Variants in TPD52 observed in about 807,000 individuals in gnomAD.
The protein encoded by TPD52 is tumor protein D52, also known as prostate and colon associated protein.
TPD52 carries 17 observed loss-of-function variants against 31.3 expected under a neutral mutation model. The observed-to-expected ratio is 0.54, with a 90% confidence interval of 0.37 to 0.82. TPD52 has a LOEUF of 0.82. Among genes scored for constraint, TPD52 ranks in the 40% least tolerant of loss-of-function variants. The probability of loss-of-function intolerance (pLI) is 0.00; values close to 1 mark genes in which losing one functional copy is unlikely to be tolerated. For missense variants in TPD52, 212 were observed against 240.1 expected, an observed-to-expected ratio of 0.88 and a Z score of 0.77; for synonymous variants, 83 against 89.6, an observed-to-expected ratio of 0.93 and a Z score of 0.42.
Position 80,126,577 on chromosome 8 carries a change from G to A in TPD52, c.19+44848C>T, listed in dbSNP as rs1808625270. On this transcript the variant is annotated intron_variant, in intron 1 of 7. Coordinates refer to ENST00000518937, the MANE Select transcript of TPD52 (RefSeq NM_001025253.3). ...GCTCACTGCAACCTCCACCTCCTGG[G>A]TTCAAGTAATTCTCCCACGTCAGGC... Among the ~76,000 whole-genome samples the A allele has an allele frequency of 2.0e-5, 3 of 151,338 alleles. 1 individual carries two copies. In the South Asian group the frequency reaches 6.3e-4, roughly 32 times the overall value.
At chr8:80,066,971 A>G (rs548692595) in intron 1 of TPD52, 1 of 152,360 alleles carries the variant, frequency 6.6e-6, no homozygotes, top group South Asian at 2.1e-4. Context: ...CTCCAAAACA[A>G]AACAAGCAAA....
intron 5 of TPD52, among the ~76,000 whole-genome samples, chr8:80,046,378 C>G (rs546366042): frequency 6.6e-6 from 1 of 151,716 alleles, no homozygotes; most frequent in Non-Finnish European, 1.5e-5. Context: ...TCAATTCTAT[C>G]TGGTTGCTGG....
intron 7 of TPD52, 35 bp downstream of exon 7, chr8:80,042,585 T>A (rs763496316): frequency 3.8e-6 from 6 of 1,582,234 alleles, no homozygotes; most frequent in Non-Finnish European, 4.3e-6. Context: ...CACCAGGCAA[T>A]GTATCAAAAA....
At chr8:80,111,992 A>AT (rs1260664582) in intron 1 of TPD52, among the ~76,000 whole-genome samples, 1 of 152,268 alleles carries the variant, frequency 6.6e-6, no homozygotes, top group Non-Finnish European at 1.5e-5. Flanking sequence ...AAATCAAAAC[A>AT]TTAATTGGCT....
At chr8:80,140,110 T>C (rs544000278) in intron 1 of TPD52, among the ~76,000 whole-genome samples, 1 of 152,382 alleles carries the variant, frequency 6.6e-6, no homozygotes, top group African/African-American at 2.4e-5. Flanking sequence ...ACACAGACGC[T>C]GGTTCGATGC....
At chr8:80,153,806 C>T (rs1355391033) in intron 1 of TPD52, among the ~76,000 whole-genome samples, 2 of 152,194 alleles carry the variant, frequency 1.3e-5, no homozygotes, top group African/African-American at 4.8e-5. Context: ...CTGCCCAGGG[C>T]TGATGTGAGG....
intron 1 of TPD52, among the ~76,000 whole-genome samples, chr8:80,105,729 CTTTTTTTTTTT>C (rs57266800): frequency 4.4e-5 from 5 of 112,766 alleles, no homozygotes; most frequent in Non-Finnish European, 6.8e-5. Flanking sequence ...CCCAGGTCTG[CTTTTTTTTTTT>C]TTTTTTTTTG....
intron 1 of TPD52, among the ~76,000 whole-genome samples, chr8:80,134,759 C>T (rs1261155945): frequency 6.6e-6 from 1 of 152,192 alleles, no homozygotes; most frequent in Non-Finnish European, 1.5e-5. Flanking sequence ...GTCCATTCAG[C>T]CTCCAAATGA....
chr8:80,140,287 G>C (rs1286774573), intron 1 of TPD52, among the ~76,000 whole-genome samples: 7 of 152,114 alleles, frequency 4.6e-5, no homozygotes, highest in African/African-American at 1.4e-4. Flanking sequence ...GTTAGAGTTA[G>C]AATCTTTTAA....
At chr8:80,062,265 C>T (rs1275879311) in intron 2 of TPD52, among the ~76,000 whole-genome samples, 2 of 152,170 alleles carry the variant, frequency 1.3e-5, no homozygotes, top group African/African-American at 4.8e-5. Context: ...ACCTATACAT[C>T]TATGGTTAAC....
intron 1 of TPD52, among the ~76,000 whole-genome samples, chr8:80,106,303 ACTGTAGTC>A (rs1280863047): frequency 7.9e-5 from 12 of 152,140 alleles, no homozygotes; most frequent in African/African-American, 2.7e-4. Context: ...GTTATCGTTG[ACTGTAGTC>A]ACCCTGTTGT....
chr8:80,150,383 G>A (rs1020686123), intron 1 of TPD52, among the ~76,000 whole-genome samples: 18 of 152,236 alleles, frequency 1.2e-4, no homozygotes, highest in Admixed American at 1.2e-3. Context: ...AGCGAAATGT[G>A]GGTATGGAGC....
At chr8:80,116,181 T>G (rs891148080) in intron 1 of TPD52, among the ~76,000 whole-genome samples, 3 of 152,196 alleles carry the variant, frequency 2.0e-5, no homozygotes, top group Non-Finnish European at 4.4e-5. Flanking sequence ...TGTGGCATTA[T>G]TCATAACATT....
intron 1 of TPD52, among the ~76,000 whole-genome samples, chr8:80,149,113 T>C (rs1810399261): frequency 6.6e-6 from 1 of 152,146 alleles, no homozygotes; most frequent in Non-Finnish European, 1.5e-5. Flanking sequence ...GGTGATATAG[T>C]TTGGCTGTGT....
At chr8:80,120,204 A>T (rs1808161626) in intron 1 of TPD52, among the ~76,000 whole-genome samples, 1 of 152,122 alleles carries the variant, frequency 6.6e-6, no homozygotes, top group Non-Finnish European at 1.5e-5. Flanking sequence ...AAAAAAAAAT[A>T]ATAGGCTGGA....
chr8:80,057,972 C>A (rs1184178246), intron 2 of TPD52, among the ~76,000 whole-genome samples: 9 of 152,078 alleles, frequency 5.9e-5, no homozygotes, highest in African/African-American at 2.2e-4. Flanking sequence ...ATAATAGCAC[C>A]TGCCCCGTAA....
At chr8:80,158,852 G>A (rs1811152945) in intron 1 of TPD52, 1 of 144,662 alleles carries the variant, frequency 6.9e-6, no homozygotes, top group Non-Finnish European at 1.5e-5. Flanking sequence ...GCTGAGGCAG[G>A]AGAATGGCGT....
At chr8:80,119,813 AC>A in intron 1 of TPD52, 1 of 392,644 alleles carries the variant, frequency 2.5e-6, no homozygotes, top group Non-Finnish European at 4.9e-6. Flanking sequence ...GAAAATACTT[AC>A]ATTTTATATG....
In TPD52 at chr8:80,171,479, C is replaced by A. The variant is rs1347724313; in HGVS notation, c.-36G>T. ...CGCCGCCTCGTGTCCTCTGCAGCAC[C>A]CCCGCCTGCAGCCCGTCCCGGCTCG... is the stretch of plus-strand genomic sequence containing the variant. On this transcript the variant is annotated 5_prime_UTR_variant, in exon 1 of 8. Coordinates refer to ENST00000518937, the MANE Select transcript of TPD52 (RefSeq NM_001025253.3). 1 of 1,562,400 alleles carries A rather than the reference C, an allele frequency of 6.4e-7. No individual in the cohort carries two copies. Among genetic ancestry groups the A allele is most frequent in the South Asian group, 1.1e-5 (1 of 87,112 alleles).
Sources: allele counts gnomAD v4.1 joint callset (sites outside exome capture counted in the v4.1 genomes callset), GRCh38; gene constraint gnomAD v4.1.1; transcripts MANE v1.5; gene names NCBI Gene and HGNC (gene_info 2026-07-23, HGNC 2026-07-21).